The following ZNF362 variants were observed in gnomAD, a reference collection of about 807,000 sequenced individuals.
ZNF362 encodes the protein zinc finger protein 362.
Under a neutral mutation model 42.9 loss-of-function variants are expected in ZNF362, and 11 were observed. That is an observed-to-expected ratio of 0.26 (90% CI 0.16 to 0.42). The LOEUF (loss-of-function observed/expected upper bound fraction) is 0.42, where lower values mean the gene tolerates loss of function less well. Ranked by LOEUF, ZNF362 falls within the 20% of genes least tolerant of loss-of-function variation. The pLI, the probability that ZNF362 is intolerant of heterozygous loss-of-function variation, is 1.00. For synonymous variants in ZNF362, 255 were observed against 257.3 expected (o/e 0.99, Z 0.09); for missense variants, 362 against 576.2 (o/e 0.63, Z 3.81).
At chr1:33,241,093 C>A in the ZNF362 span, among the ~76,000 whole-genome samples, 1 of 148,106 alleles carries the variant, frequency 6.8e-6, no homozygotes. Flanking sequence ...ATTCCCCCGC[C>A]CCGCCCCACT....
chr1:33,135,904 G>C, the ZNF362 span, among the ~76,000 whole-genome samples: 2 of 152,190 alleles, frequency 1.3e-5, no homozygotes, highest in African/African-American at 4.8e-5. Context: ...AGGGAGTGAA[G>C]AGCACAGTGA....
chr1:33,290,187 T>C (rs538870655), intron 6 of ZNF362, among the ~76,000 whole-genome samples: 158 of 152,324 alleles, frequency 1.0e-3, no homozygotes, highest in Non-Finnish European at 1.9e-3. Context: ...GTTGGTGTGC[T>C]GCACCCATTA....
intron 1 of ZNF362, among the ~76,000 whole-genome samples, chr1:33,263,115 T>C (rs1032802069): frequency 2.0e-5 from 3 of 152,276 alleles, no homozygotes; most frequent in Non-Finnish European, 1.5e-5. Context: ...GAGTCTTGCA[T>C]GCACATGCTT....
chr1:33,238,326 C>CATAAAATAACATAAAATAAA, the ZNF362 span, among the ~76,000 whole-genome samples: 1 of 85,178 alleles, frequency 1.2e-5, no homozygotes, highest in Non-Finnish European at 2.4e-5. Context: ...CTCAAAATAA[C>CATAAAATAACATAAAATAAA]ATAAAATAAA....
the ZNF362 span, among the ~76,000 whole-genome samples, chr1:33,180,855 G>T: frequency 1.3e-4 from 2 of 15,056 alleles, no homozygotes; most frequent in Non-Finnish European, 2.7e-4. Flanking sequence ...CGGCGGCCCC[G>T]CCCCTCCCTG....
At chr1:33,295,060 C>T (rs1203161028) in intron 7 of ZNF362, 45 bp downstream of exon 7, 3 of 1,610,536 alleles carry the variant, frequency 1.9e-6, no homozygotes, top group Non-Finnish European at 8.5e-7. Context: ...TCTGGTGCCC[C>T]CCCACCCACC....
intron 2 of ZNF362, among the ~76,000 whole-genome samples, chr1:33,275,853 A>G (rs1273861826): frequency 6.6e-6 from 1 of 150,410 alleles, no homozygotes; most frequent in African/African-American, 2.5e-5. Context: ...TCTGGTCTGG[A>G]TGTGACCTTT....
the ZNF362 span, among the ~76,000 whole-genome samples, chr1:33,132,310 C>G: frequency 6.6e-6 from 1 of 152,218 alleles, no homozygotes; most frequent in Admixed American, 6.5e-5. Context: ...ACTTCTTTTG[C>G]TTTGTAATTC....
the ZNF362 span, among the ~76,000 whole-genome samples, chr1:33,139,385 T>A: frequency 6.6e-6 from 1 of 152,168 alleles, no homozygotes; most frequent in African/African-American, 2.4e-5. Context: ...TGCAAAACCA[T>A]AGGACAGGAT....
At chr1:33,140,070 A>T in the ZNF362 span, among the ~76,000 whole-genome samples, 1 of 152,056 alleles carries the variant, frequency 6.6e-6, no homozygotes, top group Non-Finnish European at 1.5e-5. This position sits in a 1 kb window ranked among gnomAD's most constrained non-coding sequence, Gnocchi z 4.0. Flanking sequence ...GTGGGGAAGG[A>T]CTTTCCAGGA....
At chr1:33,180,562 A>C in the ZNF362 span, among the ~76,000 whole-genome samples, 2 of 151,366 alleles carry the variant, frequency 1.3e-5, no homozygotes, top group African/African-American at 4.9e-5. Flanking sequence ...CCCCCACAGA[A>C]CCCCCAGCCT....
At chr1:33,215,301 G>C in the ZNF362 span, among the ~76,000 whole-genome samples, 1 of 151,990 alleles carries the variant, frequency 6.6e-6, no homozygotes, top group Non-Finnish European at 1.5e-5. Flanking sequence ...TAAAACAATT[G>C]AACTCATGAA....
chr1:33,242,543 A>G, the ZNF362 span, among the ~76,000 whole-genome samples: 2 of 152,196 alleles, frequency 1.3e-5, no homozygotes, highest in African/African-American at 4.8e-5. Flanking sequence ...GCAGTTAGTG[A>G]TACACCCACT....
At chr1:33,140,213 C>T in the ZNF362 span, among the ~76,000 whole-genome samples, 4 of 152,294 alleles carry the variant, frequency 2.6e-5, no homozygotes, top group South Asian at 2.1e-4. This position sits in a 1 kb window ranked among gnomAD's most constrained non-coding sequence, Gnocchi z 4.0. Flanking sequence ...GGGATGCTTA[C>T]GGTGGCGATG....
At chr1:33,262,297 CTTTTTTTTTTT>C (rs55730909) in intron 1 of ZNF362, among the ~76,000 whole-genome samples, 4 of 48,132 alleles carry the variant, frequency 8.3e-5, no homozygotes, top group Admixed American at 3.5e-4. Flanking sequence ...CTTTAGGATT[CTTTTTTTTTTT>C]TTTTTTTTTT....
At position 33,281,559 on chromosome 1, in the gene ZNF362, C is replaced by T. The variant is rs199642754; in HGVS notation, c.684-28C>T. On this transcript the variant is annotated intron_variant, in intron 5 of 8. Transcript: ENST00000539719. The surrounding 1 kb of genome is among the most constrained non-coding windows in gnomAD (Gnocchi z 4.8). ...GAGATGGACAGTCTGGGGGATCTTC[C>T]CACGTGAACCTGTCTCTTGCTCCGC... 14 of 1,611,066 alleles carry T rather than the reference C, an allele frequency of 8.7e-6. No homozygotes were observed. The East Asian group carries it at 2.9e-4, about 33-fold the overall frequency.
At chr1:33,219,538 G>A in the ZNF362 span, among the ~76,000 whole-genome samples, 150 of 152,318 alleles carry the variant, frequency 9.8e-4, no homozygotes, top group South Asian at 0.01. Flanking sequence ...CCAACAGGAA[G>A]ATATGGTGTT....
chr1:33,238,355 A>AAATAAAATAAAATAAAATAAAAT, the ZNF362 span, among the ~76,000 whole-genome samples: 2 of 97,638 alleles, frequency 2.0e-5, no homozygotes, highest in Middle Eastern at 9.4e-3. Flanking sequence ...AAATAAAATA[A>AAATAAAATAAAATAAAATAAAAT]AATAAAATAA....
the ZNF362 span, among the ~76,000 whole-genome samples, chr1:33,144,434 G>C: frequency 6.6e-6 from 1 of 152,158 alleles, no homozygotes. Context: ...CACTGCGCCC[G>C]GTGGCTTTAA....
Sources: allele counts gnomAD v4.1 joint callset (sites outside exome capture counted in the v4.1 genomes callset), GRCh38; gene constraint gnomAD v4.1.1; non-coding constraint Gnocchi (gnomAD v3.1); transcripts MANE v1.5; gene names NCBI Gene and HGNC (gene_info 2026-07-23, HGNC 2026-07-21).